The following ZSCAN1 variants were observed in gnomAD, a reference collection of about 807,000 sequenced individuals.
ZSCAN1 encodes the protein zinc finger and SCAN domain-containing protein 1.
In ZSCAN1, 23 loss-of-function variants were observed where a neutral mutation model predicts 23.8. That is an observed-to-expected ratio of 0.97 (90% CI 0.70 to 1.37). The LOEUF (loss-of-function observed/expected upper bound fraction) is 1.37. Ranked by LOEUF, ZSCAN1 falls within the 40% of genes most tolerant of loss-of-function variation. The pLI, the probability that ZSCAN1 is intolerant of heterozygous loss-of-function variation, is 0.00. For missense variants in ZSCAN1, 575 were observed against 554.0 expected, an observed-to-expected ratio of 1.04 and a Z score of -0.38; for synonymous variants, 236 against 232.3, an observed-to-expected ratio of 1.02 and a Z score of -0.15.
At position 58,052,374 on chromosome 19, in the gene ZSCAN1, C is replaced by T. The variant is rs536773180; in HGVS notation, c.466-116C>T. The T allele has an allele frequency of 3.4e-5, 52 of 1,524,800 alleles. No individual in the cohort carries two copies. In the African/African-American group the frequency reaches 5.5e-4, roughly 16 times the overall value. The allele number at this position is 1,524,800 out of a possible 1,614,324, so 94.5% of individuals were successfully genotyped here. ...CGGGAACAACAGGCGCGACACCGCG[C>T]ACTGCCCTGGGACAGAGCCTTTGGG... On this transcript the variant is annotated intron_variant, in intron 4 of 5. Transcript: ENST00000282326.
At chr19:58,035,750 C>T (rs1270781533) in intron 1 of ZSCAN1, among the ~76,000 whole-genome samples, 1 of 152,182 alleles carries the variant, frequency 6.6e-6, no homozygotes, top group African/African-American at 2.4e-5. Context: ...TGGGCACAGT[C>T]CCCGTGAGTT....
In ZSCAN1 at chr19:58,045,334, T is replaced by A. The variant is rs2073818177; in HGVS notation, c.465+4790T>A. On this transcript the variant is annotated intron_variant, in intron 4 of 5. Coordinates refer to ENST00000282326, the MANE Select transcript of ZSCAN1 (RefSeq NM_182572.4). This position sits in a 1 kb window ranked among gnomAD's most constrained non-coding sequence, Gnocchi z 4.3. ...ACTCAGTCCATCAAGGAGAAGAGGC[T>A]GAAGGAGCTTCAGGTCAAGCTGGAG... The A allele has an allele frequency of 3.8e-6, 3 of 798,880 alleles. No homozygotes were observed. The East Asian group carries it at 7.3e-5, about 19-fold the overall frequency. 49.5% of individuals were successfully genotyped at this position (798,880 alleles called of 1,614,324 possible). A position where few individuals can be genotyped will look rare whatever the true frequency, so the allele number is the denominator to read the frequency against.
At chr19:58,052,357 A>T in intron 4 of ZSCAN1, 133 bp from the exon 5 acceptor site, 1 of 1,438,996 alleles carries the variant, frequency 6.9e-7, no homozygotes, top group Non-Finnish European at 9.5e-7. Flanking sequence ...CACGGGAACA[A>T]CAGGCGCGAC....
At position 58,045,605 on chromosome 19, in the gene ZSCAN1, A is replaced by C; in HGVS notation, c.465+5061A>C. The C allele has an allele frequency of 5.9e-6, 6 of 1,010,504 alleles. 1 individual carries two copies. The South Asian group carries it at 7.6e-5, about 13-fold the overall frequency. The allele number at this position is 1,010,504 out of a possible 1,614,324, so 62.6% of individuals were successfully genotyped here. A position where few individuals can be genotyped will look rare whatever the true frequency, so the allele number is the denominator to read the frequency against. ...TGGAGCTACAGCTTCCTGCGCTTCC[A>C]GCTCACGATGCGGCTGCGCTCCATA... On this transcript the variant is annotated intron_variant, in intron 4 of 5. Coordinates refer to ENST00000282326, the MANE Select transcript of ZSCAN1 (RefSeq NM_182572.4). The surrounding 1 kb of genome is among the most constrained non-coding windows in gnomAD (Gnocchi z 4.3).
intron 4 of ZSCAN1, among the ~76,000 whole-genome samples, chr19:58,042,547 A>G (rs1390513037): frequency 6.6e-6 from 1 of 152,104 alleles, no homozygotes; most frequent in African/African-American, 2.4e-5. Flanking sequence ...GCCCGGCCCT[A>G]AAATAGATTT....
chr19:58,046,046 T>C (rs2073823116), intron 4 of ZSCAN1: 2 of 689,220 alleles, frequency 2.9e-6, no homozygotes, highest in Admixed American at 4.6e-5. Context: ...GCGAAGGATG[T>C]TGAACCCGAA....
In ZSCAN1 at chr19:58,038,050, C is replaced by T. The variant is rs373056173; in HGVS notation, c.214C>T (p.Arg72Cys). The T allele has an allele frequency of 3.3e-5, 53 of 1,611,752 alleles. No individual in the cohort carries two copies. The highest frequency in any genetic ancestry group is 4.2e-5 in the Non-Finnish European group (50 of 1,179,774). Residue 72 changes from arginine to cysteine, a missense_variant, in exon 3 of 6, where the codon CGC (arginine) becomes TGC (cysteine). Arg to Cys is a radical substitution (Grantham distance 180). Transcript: ENST00000282326. ...CCGCCAGTGGCTGAGGCCCGAGGCG[C>T]GCTCCAAGGAGCAGATGCTGGAGCT... ...LCRQWLRPEA[R>C]SKEQMLELLV...
intron 2 of ZSCAN1, among the ~76,000 whole-genome samples, chr19:58,037,290 C>T (rs193390): frequency 0.82 from 125,383 of 152,072 alleles, 52,765 homozygotes; most frequent in Non-Finnish European, 0.91. Flanking sequence ...AGGAACTTCA[C>T]TGGGCAGTGC....
At chr19:58,035,086 T>C (rs1237227030) in intron 1 of ZSCAN1, among the ~76,000 whole-genome samples, 1 of 151,826 alleles carries the variant, frequency 6.6e-6, no homozygotes, top group Non-Finnish European at 1.5e-5. Context: ...CACTGAGCCC[T>C]CCAAGTGACA....
chr19:58,043,782 T>G (rs1056507139), intron 4 of ZSCAN1, among the ~76,000 whole-genome samples: 1 of 152,122 alleles, frequency 6.6e-6, no homozygotes, highest in African/African-American at 2.4e-5. Flanking sequence ...TCTGAGTAGC[T>G]GGGAACACAG....
chr19:58,050,545 G>A (rs545016693), intron 4 of ZSCAN1, among the ~76,000 whole-genome samples: 14 of 152,014 alleles, frequency 9.2e-5, no homozygotes, highest in African/African-American at 2.9e-4. Flanking sequence ...TGTTTGAGAC[G>A]GCGTCTCGCT....
intron 4 of ZSCAN1, among the ~76,000 whole-genome samples, chr19:58,051,168 C>A (rs909123117): frequency 1.3e-5 from 2 of 152,158 alleles, no homozygotes; most frequent in African/African-American, 4.8e-5. Context: ...CACGCAGCCC[C>A]TCTGCTGCCC....
Position 58,053,748 on chromosome 19 carries a change from C to G in ZSCAN1, c.924C>G (p.Ile308Met), listed in dbSNP as rs779912172. ...GMVFTWVTHF[I>M]EHQKTHREEG... ...TCTTCACCTGGGTCACCCACTTCAT[C>G]GAGCACCAGAAGACCCATCGCGAGG... Residue 308 changes from isoleucine to methionine, a missense_variant, in exon 6 of 6, where the codon ATC becomes ATG. Ile to Met is a conservative substitution (Grantham distance 10, BLOSUM62 1). Coordinates refer to ENST00000282326, the MANE Select transcript of ZSCAN1 (RefSeq NM_182572.4). The surrounding 1 kb of genome is among the most constrained non-coding windows in gnomAD (Gnocchi z 5.8). The G allele has an allele frequency of 1.9e-6, 3 of 1,613,980 alleles. No homozygotes were observed. Among genetic ancestry groups the G allele is most frequent in the Non-Finnish European group, 1.7e-6 (2 of 1,180,020 alleles).
chr19:58,045,553 C>T lies in ZSCAN1; in HGVS notation c.465+5009C>T, dbSNP rs376536550. The T allele has an allele frequency of 3.8e-5, 51 of 1,328,436 alleles. No individual in the cohort carries two copies. The highest frequency in any genetic ancestry group is 4.6e-5 in the East Asian group (2 of 43,804). 82.3% of individuals were successfully genotyped at this position (1,328,436 alleles called of 1,614,324 possible). On this transcript the variant is annotated intron_variant, in intron 4 of 5. Coordinates refer to ENST00000282326, the MANE Select transcript of ZSCAN1 (RefSeq NM_182572.4). The surrounding 1 kb of genome is among the most constrained non-coding windows in gnomAD (Gnocchi z 4.3). ...CTGACCCTTGACAACCTGACACGGCCGCAGCTGGTGGCCCTGTGCAAGCTG... is the reference window on the plus strand; with the variant it reads ...CTGACCCTTGACAACCTGACACGGCTGCAGCTGGTGGCCCTGTGCAAGCTG...
intron 2 of ZSCAN1, among the ~76,000 whole-genome samples, chr19:58,036,309 A>C (rs1257162794): frequency 1.3e-5 from 2 of 152,180 alleles, no homozygotes; most frequent in African/African-American, 2.4e-5. Context: ...TGTTCTTGAT[A>C]TATAAATGGC....
At chr19:58,041,908 C>T (rs1187795772) in intron 4 of ZSCAN1, among the ~76,000 whole-genome samples, 2 of 152,038 alleles carry the variant, frequency 1.3e-5, no homozygotes, top group Non-Finnish European at 2.9e-5. Flanking sequence ...CAGTGGCTCA[C>T]GCATGTAATC....
At chr19:58,037,331 C>T (rs374309169) in intron 2 of ZSCAN1, among the ~76,000 whole-genome samples, 42 of 152,062 alleles carry the variant, frequency 2.8e-4, no homozygotes, top group African/African-American at 9.2e-4. Flanking sequence ...CATTCTTGTT[C>T]CCGCAGCTCG....
chr19:58,041,833 G>GT (rs1305465325), intron 4 of ZSCAN1, among the ~76,000 whole-genome samples: 1 of 152,116 alleles, frequency 6.6e-6, no homozygotes, highest in South Asian at 2.1e-4. Flanking sequence ...CTATGATCAT[G>GT]TTTCTACACT....
chr19:58,044,631 C>A (rs1030411516), intron 4 of ZSCAN1: 63 of 1,065,398 alleles, frequency 5.9e-5, no homozygotes, highest in Non-Finnish European at 8.2e-5. Context: ...TGGGCGCCCG[C>A]CAGCCTCCCG....
Sources: gnomAD v4.1 joint callset for allele counts (sites outside exome capture counted in the v4.1 genomes callset) on GRCh38, gnomAD v4.1.1 for gene constraint, Gnocchi (gnomAD v3.1) non-coding constraint, MANE v1.5 for transcripts, NCBI Gene and HGNC (gene_info 2026-07-23, HGNC 2026-07-21) for gene names.